ZNF521: variants seen among roughly 807,000 people sequenced by gnomAD.
ZNF521 encodes the protein LYST-interacting protein 3.
Under a neutral mutation model 105.5 loss-of-function variants are expected in ZNF521, and 14 were observed. The ratio of observed to expected loss-of-function variants is 0.13; its 90% confidence interval spans 0.09 to 0.21. The LOEUF (loss-of-function observed/expected upper bound fraction) is 0.21, where lower values mean the gene tolerates loss of function less well. Among genes scored for constraint, ZNF521 ranks in the 10% least tolerant of loss-of-function variants. The pLI is 1.00. For synonymous variants in ZNF521, 635 were observed against 606.0 expected, an observed-to-expected ratio of 1.05 and a Z score of -0.70; for missense variants, 1,233 against 1,629.7, an observed-to-expected ratio of 0.76 and a Z score of 4.19.
intron 5 of ZNF521, among the ~76,000 whole-genome samples, chr18:25,129,820 C>G (rs555894713): frequency 3.3e-5 from 5 of 151,922 alleles, no homozygotes; most frequent in Non-Finnish European, 7.4e-5. Flanking sequence ...GACTGATTTC[C>G]GAAACACTGA....
rs28390177 is a variant in ZNF521, at chr18:25,228,049, C to T, written c.221-352G>A. ...TATATTTAATGTTTCTTTTGTATTC[C>T]TTCTAAAATGATTTGCATATTATGT... On this transcript the variant is annotated intron_variant, in intron 3 of 7. Transcript: ENST00000361524. Among the ~76,000 whole-genome samples the T allele has an allele frequency of 2.6e-5, 4 of 151,804 alleles. No individual in the cohort carries two copies. In the East Asian group the frequency reaches 7.7e-4, roughly 29 times the overall value.
intron 7 of ZNF521, among the ~76,000 whole-genome samples, chr18:25,074,095 C>T (rs189089158): frequency 3.2e-4 from 49 of 152,102 alleles, no homozygotes; most frequent in African/African-American, 1.2e-3. Flanking sequence ...TGCACGCGCA[C>T]GGGAATATGC....
intron 5 of ZNF521, among the ~76,000 whole-genome samples, chr18:25,173,277 T>C (rs2144565685): frequency 6.6e-6 from 1 of 152,330 alleles, no homozygotes; most frequent in South Asian, 2.1e-4. Context: ...GGTGCTGGTT[T>C]GATGAGCCCC....
At chr18:25,231,583 G>A (rs1367717938) in intron 3 of ZNF521, 2 of 152,242 alleles carry the variant, frequency 1.3e-5, no homozygotes, top group Non-Finnish European at 1.5e-5. Flanking sequence ...ACGCAAATGA[G>A]GGTCTGAGAG....
At chr18:25,218,189 A>T (rs1905457195) in intron 4 of ZNF521, among the ~76,000 whole-genome samples, 1 of 152,168 alleles carries the variant, frequency 6.6e-6, no homozygotes, top group Non-Finnish European at 1.5e-5. Context: ...AGGAAGGGAC[A>T]TGCTAGACAG....
chr18:25,099,467 C>T (rs2033921714), intron 5 of ZNF521, among the ~76,000 whole-genome samples: 1 of 152,062 alleles, frequency 6.6e-6, no homozygotes, highest in African/African-American at 2.4e-5. Flanking sequence ...TTATCCCTGG[C>T]AAGAAACTGA....
chr18:25,198,108 T>C (rs2035932481), intron 4 of ZNF521, among the ~76,000 whole-genome samples: 1 of 151,942 alleles, frequency 6.6e-6, no homozygotes, highest in Admixed American at 6.6e-5. Flanking sequence ...GCTAATTTAG[T>C]ACATTTTTAA....
rs780736719 is a variant in ZNF521, at chr18:25,226,490, G to A, written c.1428C>T (p.Val476=). The stretch of plus-strand genomic sequence containing the variant: ...CTTCGGAACAGAAGTTACACTGGTA[G>A]ACAATGGCAGGCATGGCAGAAACAA... The part of the protein sequence containing the change: ...GLIVSAMPAI[V]YQCNFCSEVV... Residue 476 remains valine, a synonymous_variant, in exon 4 of 8, where the codon GTC becomes GTT. Coordinates refer to ENST00000361524, the MANE Select transcript of ZNF521 (RefSeq NM_015461.3). The surrounding 1 kb of genome is among the most constrained non-coding windows in gnomAD (Gnocchi z 4.1). The A allele has an allele frequency of 6.2e-7, 1 of 1,614,186 alleles. No homozygotes were observed.
intron 4 of ZNF521, among the ~76,000 whole-genome samples, chr18:25,212,606 T>C (rs1256113637): frequency 2.1e-5 from 3 of 142,694 alleles, no homozygotes; most frequent in African/African-American, 7.9e-5. Flanking sequence ...GAAATTTTCA[T>C]TGGAATAGCA....
Position 25,226,132 on chromosome 18 carries a change from G to A in ZNF521, c.1786C>T (p.His596Tyr). The A allele has an allele frequency of 1.2e-6, 2 of 1,614,110 alleles. No homozygotes were observed. Among genetic ancestry groups the A allele is most frequent in the Non-Finnish European group, 1.7e-6 (2 of 1,180,024 alleles). ...KNIPLALNYIHNGKKSRALSP... is the reference protein window; with the variant it reads ...KNIPLALNYIYNGKKSRALSP... ...AAGGCCCTGGATTTCTTCCCATTGT[G>A]GATATAATTCAGGGCCAAGGGAATG... Residue 596 changes from histidine to tyrosine, a missense_variant, in exon 4 of 8, where the codon CAC becomes TAC. Transcript: ENST00000361524. The surrounding 1 kb of genome is among the most constrained non-coding windows in gnomAD (Gnocchi z 4.1).
intron 5 of ZNF521, among the ~76,000 whole-genome samples, chr18:25,166,346 C>T (rs1277742187): frequency 6.6e-6 from 1 of 152,110 alleles, no homozygotes; most frequent in Non-Finnish European, 1.5e-5. Context: ...TCCAAAGTAG[C>T]TGAGTAAATT....
chr18:25,272,385 C>T (rs936098234), intron 3 of ZNF521, among the ~76,000 whole-genome samples: 6 of 151,998 alleles, frequency 3.9e-5, no homozygotes, highest in African/African-American at 1.4e-4. Flanking sequence ...CTAGAAATAC[C>T]GATTGACCCA....
At chr18:25,285,534 G>A (rs1171065513) in intron 3 of ZNF521, among the ~76,000 whole-genome samples, 2 of 152,158 alleles carry the variant, frequency 1.3e-5, no homozygotes, top group Admixed American at 6.5e-5. Flanking sequence ...TCTACCTGAA[G>A]CACCATGTTT....
intron 5 of ZNF521, among the ~76,000 whole-genome samples, chr18:25,151,659 T>G (rs1472685605): frequency 1.3e-5 from 2 of 152,124 alleles, no homozygotes; most frequent in Non-Finnish European, 2.9e-5. Flanking sequence ...CCTTAGGGCT[T>G]CTCGCTTAGC....
chr18:25,102,724 T>TTA (rs1421126204), intron 5 of ZNF521, among the ~76,000 whole-genome samples: 4 of 151,970 alleles, frequency 2.6e-5, no homozygotes, highest in African/African-American at 7.3e-5. Context: ...CAGAAAAGCC[T>TTA]TATGGTCATG....
chr18:25,189,262 T>C (rs1187421859), intron 5 of ZNF521, among the ~76,000 whole-genome samples: 1 of 152,202 alleles, frequency 6.6e-6, no homozygotes, highest in Admixed American at 6.5e-5. Flanking sequence ...TTGCACTTGG[T>C]AAGCAGTACA....
intron 3 of ZNF521, among the ~76,000 whole-genome samples, chr18:25,264,727 T>A (rs983656310): frequency 6.6e-6 from 1 of 152,190 alleles, no homozygotes; most frequent in Non-Finnish European, 1.5e-5. Context: ...TTTTCATTGT[T>A]AATTAAACAA....
intron 3 of ZNF521, among the ~76,000 whole-genome samples, chr18:25,290,186 C>T (rs1262718302): frequency 6.6e-6 from 1 of 152,182 alleles, no homozygotes; most frequent in East Asian, 1.9e-4. Context: ...GGTTTATAAG[C>T]ATCCAGAGTA....
intron 4 of ZNF521, among the ~76,000 whole-genome samples, chr18:25,204,026 G>A (rs904659660): frequency 1.5e-4 from 23 of 152,074 alleles, no homozygotes; most frequent in South Asian, 4.1e-4. Context: ...TATTGCTCCC[G>A]TTCTTCCCAT....
Sources: gnomAD v4.1 joint callset for allele counts (sites outside exome capture counted in the v4.1 genomes callset) on GRCh38, gnomAD v4.1.1 for gene constraint, Gnocchi (gnomAD v3.1) non-coding constraint, MANE v1.5 for transcripts, NCBI Gene and HGNC (gene_info 2026-07-23, HGNC 2026-07-21) for gene names.